Variants in USP30 observed in about 807,000 individuals in gnomAD.
USP30 encodes the protein ubiquitin carboxyl-terminal hydrolase 30.
A neutral mutation model predicts 68.2 loss-of-function variants in USP30; 41 were observed. That is an observed-to-expected ratio of 0.60 (90% CI 0.47 to 0.78). The LOEUF is 0.78. USP30 is among the 30% of genes least tolerant of loss of function. The pLI is 0.00. For missense variants in USP30, 522 were observed against 649.4 expected (o/e 0.80, Z 2.13); for synonymous variants, 229 against 253.7 (o/e 0.90, Z 0.93).
At chr12:109,071,225 A>G (rs972036633) in intron 4 of USP30, among the ~76,000 whole-genome samples, 2 of 152,264 alleles carry the variant, frequency 1.3e-5, no homozygotes, top group Admixed American at 1.3e-4. Context: ...AACAACATGA[A>G]TGTACTTAAT....
chr12:109,083,310 T>C (rs146581765), intron 11 of USP30, among the ~76,000 whole-genome samples: 1 of 152,208 alleles, frequency 6.6e-6, no homozygotes, highest in African/African-American at 2.4e-5. Flanking sequence ...GAGAAACGCT[T>C]AAAATTGCAG....
rs528186122 is a variant in USP30 at position 109,040,199 on chromosome 12, C to A, written c.-135-7391C>A. ...ACAAAAAAAAAATTTAGGGTGCTACCAAAATACCTGAAGTTTGGGGAAACT... is the reference window on the plus strand; with the variant it reads ...ACAAAAAAAAAATTTAGGGTGCTACAAAAATACCTGAAGTTTGGGGAAACT... On this transcript the variant is annotated intron_variant, in intron 3 of 15. Transcript: ENST00000392784. Among the ~76,000 whole-genome samples, 52 of 151,804 alleles carry A rather than the reference C, an allele frequency of 3.4e-4. 1 individual carries two copies. In the South Asian group the frequency reaches 0.01, roughly 30 times the overall value.
chr12:109,082,694 A>T lies in USP30; in HGVS notation c.899A>T (p.Lys300Met). ...IEAKGTLNGE[K>M]VEHQRTTFVK... is the part of the protein sequence containing the mutation. ...GCCAAGGGAACGTTGAACGGGGAAA[A>T]GGTGGAACACCAGAGGACCACTTTT... The change falls in exon 10 of 13, where the codon AAG (lysine) becomes ATG (methionine). Residue 300 changes from lysine to methionine, a missense_variant. By Grantham distance (95) the Lys-to-Met change is moderately conservative. Transcript: ENST00000257548. The T allele has an allele frequency of 6.2e-7, 1 of 1,614,192 alleles. No individual in the cohort carries two copies. The highest frequency in any genetic ancestry group is 1.3e-5 in the African/African-American group (1 of 75,072).
chr12:109,031,840 G>T (rs893720097), intron 3 of USP30, among the ~76,000 whole-genome samples: 1 of 152,044 alleles, frequency 6.6e-6, no homozygotes, highest in Admixed American at 6.5e-5. Flanking sequence ...GTGATTACTC[G>T]GGCTTGTAAT....
intron 7 of USP30, among the ~76,000 whole-genome samples, chr12:109,080,789 T>G (rs1432662260): frequency 6.6e-6 from 1 of 152,250 alleles, no homozygotes; most frequent in Non-Finnish European, 1.5e-5. Flanking sequence ...ACACAAGTAC[T>G]GCCCACTGTG....
intron 3 of USP30, among the ~76,000 whole-genome samples, chr12:109,042,350 C>T (rs572202517): frequency 1.3e-4 from 20 of 152,106 alleles, no homozygotes; most frequent in Admixed American, 2.0e-4. Flanking sequence ...CTCAGTCATA[C>T]GGTTCTTTTC....
intron 3 of USP30, among the ~76,000 whole-genome samples, chr12:109,042,399 TC>T (rs1158621033): frequency 6.6e-6 from 1 of 152,190 alleles, no homozygotes; most frequent in African/African-American, 2.4e-5. Context: ...TACTTATTTA[TC>T]CCTACAATTA....
intron 1 of USP30, chr12:109,054,034 A>C: frequency 2.2e-6 from 1 of 456,034 alleles, no homozygotes; most frequent in Non-Finnish European, 4.4e-6. Flanking sequence ...GGGTTGTTTT[A>C]AAAATGAGGT....
intron 3 of USP30, among the ~76,000 whole-genome samples, chr12:109,040,722 T>G (rs964294898): frequency 2.6e-5 from 4 of 152,228 alleles, no homozygotes; most frequent in Admixed American, 6.5e-5. Context: ...CACATGGACC[T>G]CTCCATAATG....
chr12:109,047,432 T>C (rs1012132886), intron 3 of USP30, among the ~76,000 whole-genome samples: 1 of 152,170 alleles, frequency 6.6e-6, no homozygotes, highest in Non-Finnish European at 1.5e-5. Flanking sequence ...TTTTGAGACA[T>C]TTATTATTGT....
chr12:109,067,678 G>C, intron 4 of USP30, 51 bp downstream of exon 4: 2 of 1,511,566 alleles, frequency 1.3e-6, no homozygotes, highest in South Asian at 1.1e-5. Flanking sequence ...TTCCCCTAGT[G>C]ACTTGGGGCC....
chr12:109,025,674 C>T (rs965379911), intron 2 of USP30, among the ~76,000 whole-genome samples: 1 of 151,938 alleles, frequency 6.6e-6, no homozygotes, highest in Non-Finnish European at 1.5e-5. Flanking sequence ...GGAAGTGGAA[C>T]TGCCACTTTT....
At chr12:109,034,212 A>G (rs544185724) in intron 3 of USP30, among the ~76,000 whole-genome samples, 7 of 152,302 alleles carry the variant, frequency 4.6e-5, no homozygotes, top group African/African-American at 1.4e-4. Context: ...TCCCTTGTTA[A>G]TGTTTCTCTT....
chr12:109,084,879 A>T (rs78073059), intron 11 of USP30, 74 bp from the exon 12 acceptor site: 112,538 of 1,439,200 alleles, frequency 0.078, 4,817 homozygotes, highest in East Asian at 0.14. Flanking sequence ...GTTAACTTTC[A>T]AGGTAATCAA....
At chr12:109,030,819 T>G (rs997073803) in intron 3 of USP30, among the ~76,000 whole-genome samples, 11 of 152,196 alleles carry the variant, frequency 7.2e-5, no homozygotes, top group Admixed American at 5.9e-4. Flanking sequence ...TTTCACCATC[T>G]TGGCCAGGCT....
chr12:109,079,284 A>G (rs1276561137), intron 7 of USP30, among the ~76,000 whole-genome samples: 1 of 91,328 alleles, frequency 1.1e-5, no homozygotes, highest in East Asian at 3.5e-4. Context: ...GATCATTTCT[A>G]TTGACTTATC....
chr12:109,050,146 T>G (rs1326379574), upstream of USP30, among the ~76,000 whole-genome samples: 4 of 151,940 alleles, frequency 2.6e-5, no homozygotes, highest in East Asian at 7.8e-4. Context: ...ATACAAAAAT[T>G]AACTGGGCGT....
chr12:109,083,344 A>T (rs1286077982), intron 11 of USP30, among the ~76,000 whole-genome samples: 1 of 152,208 alleles, frequency 6.6e-6, no homozygotes, highest in Non-Finnish European at 1.5e-5. Context: ...TTTTTCCGCT[A>T]AATGATATAA....
At chr12:109,072,496 A>C (rs1431183930) in intron 6 of USP30, 146 bp downstream of exon 6, 4 of 728,410 alleles carry the variant, frequency 5.5e-6, no homozygotes, top group African/African-American at 1.8e-5. Context: ...TGTATTTTGG[A>C]AATAGCTTTA....
Sources: allele counts gnomAD v4.1 joint callset (sites outside exome capture counted in the v4.1 genomes callset), GRCh38; gene constraint gnomAD v4.1.1; transcripts MANE v1.5; gene names NCBI Gene and HGNC (gene_info 2026-07-23, HGNC 2026-07-21).